KDM4C: variants seen among roughly 807,000 people sequenced by gnomAD.
The protein encoded by KDM4C is lysine-specific demethylase 4C.
KDM4C carries 81 observed loss-of-function variants against 129.3 expected under a neutral mutation model. That is an observed-to-expected ratio of 0.63 (90% CI 0.52 to 0.75). The LOEUF (loss-of-function observed/expected upper bound fraction) is 0.75, where lower values mean the gene tolerates loss of function less well. Ranked by LOEUF, KDM4C falls within the 30% of genes least tolerant of loss-of-function variation. KDM4C has a pLI of 0.00. For synonymous variants in KDM4C, 573 were observed against 456.1 expected, an observed-to-expected ratio of 1.26 and a Z score of -3.26; for missense variants, 1,457 against 1,304.0, an observed-to-expected ratio of 1.12 and a Z score of -1.81.
At chr9:6,802,566 A>C (rs1829207380) in intron 2 of KDM4C, among the ~76,000 whole-genome samples, 1 of 152,226 alleles carries the variant, frequency 6.6e-6, no homozygotes, top group African/African-American at 2.4e-5. Context: ...TATAAGACAA[A>C]ATACTGAGTA....
chr9:7,127,166 A>G (rs186035198), intron 18 of KDM4C, among the ~76,000 whole-genome samples: 187 of 152,284 alleles, frequency 1.2e-3, no homozygotes, highest in African/African-American at 4.4e-3. Context: ...ATCAGCATAC[A>G]CCACCATTGC....
At chr9:7,045,268 C>T (rs571843200) in intron 15 of KDM4C, among the ~76,000 whole-genome samples, 1 of 152,138 alleles carries the variant, frequency 6.6e-6, no homozygotes, top group African/African-American at 2.4e-5. Flanking sequence ...CTCACTGCTA[C>T]TTTCATTAAT....
chr9:6,785,768 G>A (rs539734178), intron 1 of KDM4C, among the ~76,000 whole-genome samples: 2 of 152,224 alleles, frequency 1.3e-5, no homozygotes, highest in African/African-American at 4.8e-5. Flanking sequence ...GGTGTTGGGG[G>A]TTAGGTTTCA....
At chr9:6,785,877 G>A (rs1825378092) in intron 1 of KDM4C, among the ~76,000 whole-genome samples, 1 of 152,224 alleles carries the variant, frequency 6.6e-6, no homozygotes, top group South Asian at 2.1e-4. Context: ...GCCACACCCA[G>A]TGTGCTGAGT....
chr9:6,798,262 T>TTTTCTTTCTTTC (rs1249629668), intron 2 of KDM4C, among the ~76,000 whole-genome samples: 1 of 151,912 alleles, frequency 6.6e-6, no homozygotes. Flanking sequence ...CTTTCTTTTT[T>TTTTCTTTCTTTC]TTTTTTTTAT....
chr9:6,839,518 G>A (rs376814981), intron 4 of KDM4C, among the ~76,000 whole-genome samples: 2 of 151,666 alleles, frequency 1.3e-5, no homozygotes. Flanking sequence ...GGGATTACAG[G>A]TGTGAGCCAC....
chr9:6,978,102 T>C (rs1279365922), intron 8 of KDM4C, among the ~76,000 whole-genome samples: 1 of 152,212 alleles, frequency 6.6e-6, no homozygotes, highest in Non-Finnish European at 1.5e-5. Context: ...TTTAATTCTA[T>C]TGTCAGCCCC....
intron 3 of KDM4C, among the ~76,000 whole-genome samples, chr9:6,810,067 G>A (rs1248567515): frequency 6.6e-6 from 1 of 152,060 alleles, no homozygotes; most frequent in Non-Finnish European, 1.5e-5. Flanking sequence ...GTATTACTTG[G>A]CAATTCAAAA....
At chr9:7,173,662 A>G in intron 21 of KDM4C, among the ~76,000 whole-genome samples, 1 of 152,166 alleles carries the variant, frequency 6.6e-6, no homozygotes, top group East Asian at 1.9e-4. Context: ...CGGTGGGGAA[A>G]TGTCTACAGT....
At chr9:7,006,844 T>C (rs930011817) in intron 12 of KDM4C, among the ~76,000 whole-genome samples, 6 of 152,182 alleles carry the variant, frequency 3.9e-5, no homozygotes, top group African/African-American at 1.2e-4. Flanking sequence ...TGAATACTTT[T>C]AATACTACTA....
chr9:7,031,958 A>G (rs1040096863), intron 15 of KDM4C, among the ~76,000 whole-genome samples: 1 of 152,210 alleles, frequency 6.6e-6, no homozygotes, highest in Admixed American at 6.5e-5. Context: ...AAAAATATTT[A>G]TCAGACCTCT....
At chr9:7,014,913 G>C (rs1258799800) in intron 14 of KDM4C, among the ~76,000 whole-genome samples, 1 of 74,386 alleles carries the variant, frequency 1.3e-5, no homozygotes, top group Non-Finnish European at 2.7e-5. Flanking sequence ...AAGGCAATTT[G>C]TAACACACAC....
chr9:6,932,809 G>T (rs537326345), intron 8 of KDM4C, among the ~76,000 whole-genome samples: 2 of 152,316 alleles, frequency 1.3e-5, no homozygotes, highest in Admixed American at 6.5e-5. Flanking sequence ...AGCGGCCTCT[G>T]CCAAGGGTAC....
chr9:7,002,613 CTTTCTTTAGGAGT>C (rs1230409617), intron 12 of KDM4C, among the ~76,000 whole-genome samples: 1 of 152,164 alleles, frequency 6.6e-6, no homozygotes, highest in East Asian at 1.9e-4. Flanking sequence ...GATATGCCAG[CTTTCTTTAGGAGT>C]TTTCTTCTTC....
At chr9:6,731,324 G>GTTT (rs1563914599) in intron 1 of KDM4C, among the ~76,000 whole-genome samples, 6 of 92,944 alleles carry the variant, frequency 6.5e-5, no homozygotes, top group Non-Finnish European at 1.1e-4. Context: ...TTTTTTTTTT[G>GTTT]CTTTTTTTTT....
chr9:7,085,750 A>G (rs1265209267), intron 17 of KDM4C, among the ~76,000 whole-genome samples: 3 of 152,074 alleles, frequency 2.0e-5, no homozygotes, highest in African/African-American at 7.2e-5. Context: ...TAGAAAACGG[A>G]GCTCCCCACT....
At chr9:7,020,166 T>A (rs1194511557) in intron 15 of KDM4C, among the ~76,000 whole-genome samples, 1 of 152,196 alleles carries the variant, frequency 6.6e-6, no homozygotes, top group East Asian at 1.9e-4. Flanking sequence ...GCAGCTTCAA[T>A]TGCATATGCT....
intron 12 of KDM4C, among the ~76,000 whole-genome samples, chr9:7,003,022 G>A (rs909411415): frequency 6.6e-6 from 1 of 152,066 alleles, no homozygotes; most frequent in African/African-American, 2.4e-5. Context: ...CACCATTCTC[G>A]GCTAATGTTT....
intron 8 of KDM4C, among the ~76,000 whole-genome samples, chr9:6,938,253 A>T (rs961348863): frequency 6.6e-6 from 1 of 152,256 alleles, no homozygotes; most frequent in African/African-American, 2.4e-5. Context: ...TTTATATGTT[A>T]TGTGCAATAT....
Sources: allele counts gnomAD v4.1 joint callset (sites outside exome capture counted in the v4.1 genomes callset), GRCh38; gene constraint gnomAD v4.1.1; transcripts MANE v1.5; gene names NCBI Gene and HGNC (gene_info 2026-07-23, HGNC 2026-07-21).